Variants in UVRAG observed in about 807,000 individuals in gnomAD.
UVRAG encodes UV radiation resistance-associated gene protein.
UVRAG carries 19 observed loss-of-function variants against 78.0 expected under a neutral mutation model. The ratio of observed to expected loss-of-function variants is 0.24; its 90% CI spans 0.17 to 0.36. The LOEUF (loss-of-function observed/expected upper bound fraction) is 0.36. UVRAG is among the 10% of genes least tolerant of loss of function. The probability of loss-of-function intolerance (pLI) is 1.00; values close to 1 mark genes in which losing one functional copy is unlikely to be tolerated. For synonymous variants in UVRAG, 323 were observed against 324.6 expected, an observed-to-expected ratio of 1.00 and a Z score of 0.05; for missense variants, 740 against 853.8, an observed-to-expected ratio of 0.87 and a Z score of 1.66.
In UVRAG at chr11:75,953,820, G is replaced by A. The variant is rs139580881; in HGVS notation, c.594-7624G>A. 6.6e-5 allele frequency among the ~76,000 whole-genome samples: 10 copies of A among 152,066 alleles called. No homozygotes were observed. In the East Asian group the frequency reaches 1.4e-3, roughly 21 times the overall value. ...CTTTCCTATCACCAGAATACCTATC[G>A]GATAGCTATTTGATCTCTCCTTCCC... is the stretch of plus-strand genomic sequence containing the variant. On this transcript the variant is annotated intron_variant, in intron 6 of 14. Transcript: ENST00000356136.
intron 13 of UVRAG, among the ~76,000 whole-genome samples, chr11:76,089,525 T>C (rs768669677): frequency 1.3e-5 from 2 of 152,134 alleles, no homozygotes; most frequent in African/African-American, 4.8e-5. Context: ...ATTTGAAGAA[T>C]TGAAAATGGA....
At chr11:75,905,601 C>A (rs1002294541) in intron 5 of UVRAG, among the ~76,000 whole-genome samples, 6 of 152,108 alleles carry the variant, frequency 3.9e-5, no homozygotes, top group African/African-American at 1.4e-4. Context: ...GTTGCATCTA[C>A]ATGTAGGAAG....
chr11:75,909,663 A>G (rs1947692053), intron 5 of UVRAG, among the ~76,000 whole-genome samples: 1 of 152,218 alleles, frequency 6.6e-6, no homozygotes, highest in South Asian at 2.1e-4. Flanking sequence ...ATCAAGATAG[A>G]TTTATAAAGA....
intron 1 of UVRAG, among the ~76,000 whole-genome samples, chr11:75,848,818 T>C (rs947515704): frequency 1.3e-5 from 2 of 152,240 alleles, no homozygotes; most frequent in South Asian, 2.1e-4. Flanking sequence ...CTTTCTGCAT[T>C]CTTTCCTTCT....
intron 1 of UVRAG, among the ~76,000 whole-genome samples, chr11:75,846,170 G>A (rs971203363): frequency 6.6e-6 from 1 of 152,194 alleles, no homozygotes; most frequent in Non-Finnish European, 1.5e-5. Context: ...AGGATGTGAA[G>A]TACCACTAGA....
chr11:76,078,338 T>C lies in UVRAG; in HGVS notation c.1305+12550T>C, dbSNP rs561632990. ...TGTTATGTTTTGCTAATTTATCTTTTTGAAAGAGAGACTACTTTCACCAAC... is the reference window on the plus strand; with the variant it reads ...TGTTATGTTTTGCTAATTTATCTTTCTGAAAGAGAGACTACTTTCACCAAC... On this transcript the variant is annotated intron_variant, in intron 13 of 14. Coordinates refer to ENST00000356136, the MANE Select transcript of UVRAG (RefSeq NM_003369.4). Among the ~76,000 whole-genome samples, 26 of 152,286 alleles carry C rather than the reference T, an allele frequency of 1.7e-4. No individual in the cohort carries two copies. In the South Asian group the frequency reaches 5.0e-3, roughly 29 times the overall value.
intron 1 of UVRAG, among the ~76,000 whole-genome samples, chr11:75,819,626 G>A (rs966251897): frequency 6.6e-5 from 10 of 152,042 alleles, no homozygotes; most frequent in African/African-American, 2.4e-4. Flanking sequence ...GACTACAGGT[G>A]TGAACCACCG....
chr11:76,036,240 G>A (rs940665240), intron 12 of UVRAG, among the ~76,000 whole-genome samples: 3 of 152,150 alleles, frequency 2.0e-5, no homozygotes, highest in African/African-American at 4.8e-5. Context: ...ACTAGCCAAT[G>A]AAATGAAAGG....
At chr11:75,949,880 C>T (rs376961108) in intron 6 of UVRAG, among the ~76,000 whole-genome samples, 28 of 151,920 alleles carry the variant, frequency 1.8e-4, no homozygotes, top group African/African-American at 5.8e-4. Flanking sequence ...TTTCATTATC[C>T]AGAATGTTCC....
intron 12 of UVRAG, among the ~76,000 whole-genome samples, chr11:76,046,161 CAAAT>C (rs1950751130): frequency 6.6e-6 from 1 of 152,082 alleles, no homozygotes; most frequent in African/African-American, 2.4e-5. Context: ...AGCTATCAGT[CAAAT>C]AAAAGGGTAG....
intron 6 of UVRAG, among the ~76,000 whole-genome samples, chr11:75,928,939 C>CAAAAAAAAAAAAAAA (rs368913080): frequency 1.0e-4 from 7 of 67,488 alleles, no homozygotes; most frequent in African/African-American, 5.5e-4. Flanking sequence ...GAGACTGTCT[C>CAAAAAAAAAAAAAAA]AAAAAAAAAA....
At chr11:76,118,714 C>T (rs1301967365) in intron 14 of UVRAG, among the ~76,000 whole-genome samples, 1 of 152,124 alleles carries the variant, frequency 6.6e-6, no homozygotes, top group South Asian at 2.1e-4. Flanking sequence ...GATTCCTTGG[C>T]TAATATTTTA....
At chr11:76,095,210 G>A (rs958678717) in intron 13 of UVRAG, among the ~76,000 whole-genome samples, 43 of 152,118 alleles carry the variant, frequency 2.8e-4, no homozygotes, top group African/African-American at 9.9e-4. Context: ...ATTTTCAACC[G>A]GTCTTCCTAT....
chr11:76,018,845 G>A (rs1039454182), intron 12 of UVRAG, among the ~76,000 whole-genome samples: 2 of 152,108 alleles, frequency 1.3e-5, no homozygotes, highest in South Asian at 4.1e-4. Context: ...AATCTGTGTG[G>A]TGTTCTGTAA....
chr11:75,954,592 C>T (rs893304578), intron 6 of UVRAG, among the ~76,000 whole-genome samples: 1 of 152,142 alleles, frequency 6.6e-6, no homozygotes, highest in African/African-American at 2.4e-5. Flanking sequence ...AATTAATCTC[C>T]CACTGATGTC....
chr11:76,084,653 T>A (rs1434723785), intron 13 of UVRAG, among the ~76,000 whole-genome samples: 1 of 152,194 alleles, frequency 6.6e-6, no homozygotes. Flanking sequence ...TGTGGACGTT[T>A]TGGATATACC....
intron 13 of UVRAG, among the ~76,000 whole-genome samples, chr11:76,068,669 C>T (rs182271991): frequency 3.3e-5 from 5 of 152,312 alleles, no homozygotes; most frequent in Admixed American, 6.5e-5. Flanking sequence ...TTCTGTCTCT[C>T]GCTGTTTCTC....
At chr11:76,087,850 C>T (rs561292685) in intron 13 of UVRAG, among the ~76,000 whole-genome samples, 4 of 152,160 alleles carry the variant, frequency 2.6e-5, no homozygotes, top group South Asian at 2.1e-4. Flanking sequence ...CATTTGTAAG[C>T]GTTTAGTTGT....
At chr11:75,902,427 A>T (rs1213739394) in intron 5 of UVRAG, among the ~76,000 whole-genome samples, 1 of 152,214 alleles carries the variant, frequency 6.6e-6, no homozygotes, top group Non-Finnish European at 1.5e-5. Flanking sequence ...CTGATCTGAC[A>T]GGAGGGGGAG....
Sources: gnomAD v4.1 joint callset for allele counts (sites outside exome capture counted in the v4.1 genomes callset) on GRCh38, gnomAD v4.1.1 for gene constraint, MANE v1.5 for transcripts, NCBI Gene and HGNC (gene_info 2026-07-23, HGNC 2026-07-21) for gene names.